The following CRISPLD2 variants were observed in gnomAD, a reference collection of about 807,000 sequenced individuals.
The protein encoded by CRISPLD2 is cysteine rich secretory protein LCCL domain containing 2, also known as cysteine-rich secretory protein LCCL domain-containing 2.
In CRISPLD2, 47 loss-of-function variants were observed where a neutral mutation model predicts 71.1. The ratio of observed to expected loss-of-function variants is 0.66; its 90% CI spans 0.52 to 0.84. CRISPLD2 has a LOEUF of 0.84. CRISPLD2 is among the 40% of genes least tolerant of loss of function. CRISPLD2 has a pLI of 0.00. For synonymous variants in CRISPLD2, 317 were observed against 250.1 expected (o/e 1.27, Z -2.52); for missense variants, 830 against 651.1 (o/e 1.27, Z -2.99).
At chr16:84,840,545 C>T (rs185107681) in intron 2 of CRISPLD2, among the ~76,000 whole-genome samples, 24 of 152,266 alleles carry the variant, frequency 1.6e-4, no homozygotes, top group Non-Finnish European at 2.6e-4. Flanking sequence ...GTTGCCCTGT[C>T]GTCCAGGCTG....
intron 14 of CRISPLD2, among the ~76,000 whole-genome samples, chr16:84,896,677 C>G (rs1328375662): frequency 6.6e-6 from 1 of 152,100 alleles, no homozygotes; most frequent in Non-Finnish European, 1.5e-5. Context: ...AGTGCATTTC[C>G]GATGTGGACT....
chr16:84,883,427 C>T (rs913221862), intron 13 of CRISPLD2, among the ~76,000 whole-genome samples: 18 of 152,330 alleles, frequency 1.2e-4, no homozygotes, highest in African/African-American at 4.1e-4. Flanking sequence ...AGCTGAGCCA[C>T]GGCGGTGACA....
chr16:84,854,409 T>C (rs1420681365), intron 5 of CRISPLD2, among the ~76,000 whole-genome samples: 1 of 152,104 alleles, frequency 6.6e-6, no homozygotes, highest in African/African-American at 2.4e-5. Flanking sequence ...TGTTGTGATC[T>C]AGGGGCCCTA....
intron 11 of CRISPLD2, among the ~76,000 whole-genome samples, chr16:84,876,927 A>T (rs939334704): frequency 1.2e-4 from 19 of 152,220 alleles, no homozygotes; most frequent in African/African-American, 4.3e-4. Context: ...GACCTTGAAG[A>T]TAAAAGCCCC....
At chr16:84,836,106 A>T (rs1022284675) in intron 1 of CRISPLD2, 1 of 152,232 alleles carries the variant, frequency 6.6e-6, no homozygotes, top group Non-Finnish European at 1.5e-5. Flanking sequence ...TTATTTTAAC[A>T]TGTTGGATGA....
chr16:84,890,951 G>A (rs149528693), intron 14 of CRISPLD2, among the ~76,000 whole-genome samples: 2 of 152,142 alleles, frequency 1.3e-5, no homozygotes, highest in East Asian at 3.8e-4. Flanking sequence ...ATTTTTAGTA[G>A]AGATTGGATC....
intron 6 of CRISPLD2, among the ~76,000 whole-genome samples, chr16:84,864,228 A>G (rs1350624653): frequency 6.6e-6 from 1 of 152,146 alleles, no homozygotes; most frequent in African/African-American, 2.4e-5. Context: ...TGGGCCATAC[A>G]AGGTGTCTTC....
intron 12 of CRISPLD2, among the ~76,000 whole-genome samples, chr16:84,877,933 G>A (rs1427787438): frequency 1.3e-5 from 2 of 151,712 alleles, no homozygotes; most frequent in Admixed American, 6.6e-5. Context: ...ATGTGTGGCC[G>A]GGCACGGTGG....
chr16:84,870,556 A>G (rs1358484124), intron 8 of CRISPLD2, among the ~76,000 whole-genome samples: 1 of 151,970 alleles, frequency 6.6e-6, no homozygotes, highest in Non-Finnish European at 1.5e-5. Flanking sequence ...ACCTCAAGTG[A>G]TCTGCCCGCC....
intron 14 of CRISPLD2, among the ~76,000 whole-genome samples, chr16:84,898,437 A>G (rs1015307644): frequency 1.1e-4 from 17 of 151,674 alleles, no homozygotes; most frequent in African/African-American, 4.1e-4. Flanking sequence ...CCTTGACTGC[A>G]CCAAGATCAT....
At chr16:84,842,744 T>A (rs1274355101) in intron 2 of CRISPLD2, among the ~76,000 whole-genome samples, 1 of 152,106 alleles carries the variant, frequency 6.6e-6, no homozygotes, top group East Asian at 1.9e-4. Flanking sequence ...TTGGGAGAGT[T>A]GCTTTATGAG....
At chr16:84,870,388 C>T (rs993014784) in intron 8 of CRISPLD2, among the ~76,000 whole-genome samples, 9 of 151,674 alleles carry the variant, frequency 5.9e-5, no homozygotes, top group Admixed American at 4.6e-4. Context: ...AGCATGATCT[C>T]GGCTCACTGC....
chr16:84,855,540 T>A (rs1296545750), intron 6 of CRISPLD2, among the ~76,000 whole-genome samples: 1 of 143,710 alleles, frequency 7.0e-6, no homozygotes, highest in African/African-American at 2.4e-5. Flanking sequence ...GGCAGCTGAT[T>A]AGTTGGTGCC....
At chr16:84,850,914 G>A (rs566284457) in intron 5 of CRISPLD2, among the ~76,000 whole-genome samples, 1 of 143,884 alleles carries the variant, frequency 7.0e-6, no homozygotes, top group East Asian at 2.2e-4. Flanking sequence ...CAAGATGGCT[G>A]CACAGCACCA....
At chr16:84,872,603 TTCCAC>T (rs1275325704) in intron 9 of CRISPLD2, 95 bp downstream of exon 9, 7 of 1,083,996 alleles carry the variant, frequency 6.5e-6, no homozygotes, top group Non-Finnish European at 9.7e-6. Context: ...AAGATTTTCT[TTCCAC>T]TCCTTAGTCA....
intron 12 of CRISPLD2, among the ~76,000 whole-genome samples, chr16:84,878,791 A>G (rs1290477649): frequency 6.6e-6 from 1 of 152,238 alleles, no homozygotes; most frequent in Non-Finnish European, 1.5e-5. Flanking sequence ...CCCACTTTAT[A>G]GATGTTCCCC....
intron 3 of CRISPLD2, among the ~76,000 whole-genome samples, chr16:84,848,059 C>G (rs1047895513): frequency 2.0e-5 from 3 of 152,224 alleles, no homozygotes; most frequent in African/African-American, 7.2e-5. Context: ...AGACTTCCCC[C>G]TTTCTTAAGG....
intron 14 of CRISPLD2, among the ~76,000 whole-genome samples, chr16:84,895,297 A>G (rs1337822994): frequency 6.6e-6 from 1 of 152,174 alleles, no homozygotes; most frequent in Non-Finnish European, 1.5e-5. Context: ...AGCAGCACTC[A>G]TGACTTCCTC....
chr16:84,868,784 A>G (rs1004546363), intron 7 of CRISPLD2, 67 bp from the exon 8 acceptor site: 1 of 1,259,826 alleles, frequency 7.9e-7, no homozygotes, highest in Non-Finnish European at 1.2e-6. Context: ...GTCCCTCAGC[A>G]TGGGGAAGGG....
Sources: allele counts gnomAD v4.1 joint callset (sites outside exome capture counted in the v4.1 genomes callset), GRCh38; gene constraint gnomAD v4.1.1; transcripts MANE v1.5; gene names NCBI Gene and HGNC (gene_info 2026-07-23, HGNC 2026-07-21).